The following TJP1 variants were observed in gnomAD, a reference collection of about 807,000 sequenced individuals.
The protein encoded by TJP1 is tight junction protein 1.
TJP1 carries 43 observed loss-of-function variants against 194.2 expected under a neutral mutation model. The observed-to-expected ratio is 0.22, with a 90% CI of 0.17 to 0.29. The LOEUF (loss-of-function observed/expected upper bound fraction) is 0.29. TJP1 is among the 10% of genes least tolerant of loss of function. The pLI, the probability that TJP1 is intolerant of heterozygous loss-of-function variation, is 1.00. For missense variants in TJP1, 1,971 were observed against 2,185.7 expected (o/e 0.90, Z 1.96); for synonymous variants, 801 against 779.0 (o/e 1.03, Z -0.47).
At chr15:29,760,441 T>A in intron 8 of TJP1, 1 of 556,032 alleles carries the variant, frequency 1.8e-6, no homozygotes, top group Admixed American at 3.2e-5. Flanking sequence ...AGTGGTGCGA[T>A]CTCGGCTCAC....
In TJP1 at chr15:29,718,124, T is replaced by TAAAAAAAA; in HGVS notation, c.3877-14_3877-7dup. On this transcript the variant is annotated splice_polypyrimidine_tract_variant and splice_region_variant and intron_variant, in intron 21 of 27. Coordinates refer to ENST00000614355, the MANE Select transcript of TJP1 (RefSeq NM_001330239.4). The stretch of plus-strand genomic sequence containing the variant: ...TTAGATGCTACTTCTGGAGGCTGTT[T>TAAAAAAAA]AAAAAAAAAAAAAAAAAAAAGACAA... The TAAAAAAAA allele has an allele frequency of 7.0e-7, 1 of 1,427,692 alleles. No individual in the cohort carries two copies. 88.4% of individuals were successfully genotyped at this position (1,427,692 alleles called of 1,614,324 possible). A position where few individuals can be genotyped will look rare whatever the true frequency, so the allele number is the denominator to read the frequency against.
At chr15:29,888,887 C>T (rs1302007988) in intron 2 of TJP1, among the ~76,000 whole-genome samples, 1 of 152,120 alleles carries the variant, frequency 6.6e-6, no homozygotes, top group Non-Finnish European at 1.5e-5. Flanking sequence ...AAAAGCCCAG[C>T]GAGAATCACA....
chr15:29,899,186 A>G (rs1018321992), intron 2 of TJP1, among the ~76,000 whole-genome samples: 5 of 152,206 alleles, frequency 3.3e-5, no homozygotes, highest in East Asian at 1.9e-4. Flanking sequence ...TAAGGAAAGA[A>G]GCCCCCACAA....
intron 2 of TJP1, among the ~76,000 whole-genome samples, chr15:29,912,564 G>A (rs917755148): frequency 9.2e-5 from 14 of 151,920 alleles, no homozygotes; most frequent in Non-Finnish European, 8.8e-5. Context: ...AAAAGTAGCC[G>A]ATGTGGTAGT....
intron 2 of TJP1, among the ~76,000 whole-genome samples, chr15:29,858,612 C>T (rs181425134): frequency 1.3e-3 from 201 of 152,086 alleles, no homozygotes; most frequent in African/African-American, 4.4e-3. Flanking sequence ...GCCACAATCA[C>T]AGCTCACTGC....
intron 2 of TJP1, among the ~76,000 whole-genome samples, chr15:29,795,920 C>G (rs956253966): frequency 1.3e-5 from 2 of 151,600 alleles, no homozygotes; most frequent in African/African-American, 4.8e-5. Flanking sequence ...CATACACACA[C>G]AAAAAAAAGC....
At position 29,848,525 on chromosome 15, in the gene TJP1, G is replaced by A. The variant is rs564054182; in HGVS notation, c.307-47823C>T. Among the ~76,000 whole-genome samples the A allele has an allele frequency of 3.3e-5, 5 of 152,318 alleles. No homozygotes were observed. The South Asian group carries it at 1.0e-3, about 32-fold the overall frequency. Reference sequence around the variant, plus strand: ...TTTTATAGTAGTAACAGAGGAAGTTGACTAGAGACAAATTTAAAAATAAAA... The same window carrying A: ...TTTTATAGTAGTAACAGAGGAAGTTAACTAGAGACAAATTTAAAAATAAAA... On this transcript the variant is annotated intron_variant, in intron 2 of 28. Transcript: ENST00000356107.
intron 2 of TJP1, among the ~76,000 whole-genome samples, chr15:29,792,522 T>C (rs963554931): frequency 7.9e-5 from 12 of 152,226 alleles, no homozygotes; most frequent in African/African-American, 2.9e-4. Context: ...ATGTATGTAA[T>C]GTGATTCCTT....
At position 29,700,248 on chromosome 15, in the gene TJP1, G is replaced by C. The variant is rs2041458763; in HGVS notation, c.*1347C>G. 2 of 398,962 alleles carry C rather than the reference G, an allele frequency of 5.0e-6. No individual in the cohort carries two copies. The highest frequency in any genetic ancestry group is 4.4e-6 in the Non-Finnish European group (1 of 226,044). 24.7% of individuals were successfully genotyped at this position (398,962 alleles called of 1,614,324 possible). On this transcript the variant is annotated 3_prime_UTR_variant, in exon 28 of 28. Coordinates refer to ENST00000614355, the MANE Select transcript of TJP1 (RefSeq NM_001330239.4). ...CACACCTAATGATTAACAGAATGTA[G>C]TGGTGTATTATCTAAACAGAAATCG...
chr15:29,735,588 GAAAAAAAA>G (rs79594334), intron 11 of TJP1, among the ~76,000 whole-genome samples: 2 of 91,674 alleles, frequency 2.2e-5, no homozygotes, highest in South Asian at 6.3e-4. Flanking sequence ...CTGTCTCAAG[GAAAAAAAA>G]AAAAAAAAAA....
At chr15:29,706,036 A>G (rs1169272220) in intron 25 of TJP1, among the ~76,000 whole-genome samples, 1 of 151,976 alleles carries the variant, frequency 6.6e-6, no homozygotes, top group Admixed American at 6.6e-5. Flanking sequence ...GGTTCAAGTG[A>G]TTTTTCTGCC....
At chr15:29,720,763 G>C (rs977231449) in intron 18 of TJP1, 55 bp from the exon 19 acceptor site, 4 of 1,367,430 alleles carry the variant, frequency 2.9e-6, no homozygotes, top group Non-Finnish European at 4.0e-6. Flanking sequence ...TTAAGAGATG[G>C]CCTTTATCGT....
intron 3 of TJP1, among the ~76,000 whole-genome samples, chr15:29,772,692 T>C (rs925076353): frequency 2.6e-5 from 4 of 152,222 alleles, no homozygotes; most frequent in Non-Finnish European, 5.9e-5. Context: ...CATTTTCTTT[T>C]TCACTATTTT....
intron 1 of TJP1, among the ~76,000 whole-genome samples, chr15:29,819,277 C>G (rs2050160922): frequency 6.6e-6 from 1 of 152,096 alleles, no homozygotes; most frequent in South Asian, 2.1e-4. Context: ...TTGAACAAGC[C>G]ACTTTCTCCA....
chr15:29,781,331 T>C (rs1257703058), intron 2 of TJP1, among the ~76,000 whole-genome samples: 2 of 151,932 alleles, frequency 1.3e-5, no homozygotes, highest in Non-Finnish European at 2.9e-5. Flanking sequence ...CAGTAGTAAA[T>C]AGCCTACCAA....
intron 1 of TJP1, among the ~76,000 whole-genome samples, chr15:29,805,463 T>C (rs575202435): frequency 1.3e-5 from 2 of 152,308 alleles, no homozygotes; most frequent in Non-Finnish European, 2.9e-5. Context: ...TCCTTAACAT[T>C]ATCTAAATAC....
At chr15:29,968,316 T>C in intron 1 of TJP1, 3 of 984,876 alleles carry the variant, frequency 3.0e-6, no homozygotes, top group South Asian at 9.4e-5. Flanking sequence ...CTGGAAATTC[T>C]GAGCCAGAAC....
At chr15:29,893,737 CAT>C (rs1487690626) in intron 2 of TJP1, among the ~76,000 whole-genome samples, 1 of 151,284 alleles carries the variant, frequency 6.6e-6, no homozygotes, top group Non-Finnish European at 1.5e-5. Flanking sequence ...ATAGTGCAAA[CAT>C]ATTTTATATG....
chr15:29,740,347 T>A (rs2044326581), intron 10 of TJP1, among the ~76,000 whole-genome samples: 1 of 152,118 alleles, frequency 6.6e-6, no homozygotes, highest in Non-Finnish European at 1.5e-5. Flanking sequence ...TAATTTGGGC[T>A]GGGTACAGTG....
Sources: allele counts gnomAD v4.1 joint callset (sites outside exome capture counted in the v4.1 genomes callset), GRCh38; gene constraint gnomAD v4.1.1; transcripts MANE v1.5; gene names NCBI Gene and HGNC (gene_info 2026-07-23, HGNC 2026-07-21).